The following MAPKAP1 variants were observed in gnomAD, a reference collection of about 807,000 sequenced individuals.
MAPKAP1 encodes the protein target of rapamycin complex 2 subunit MAPKAP1.
A neutral mutation model predicts 65.7 loss-of-function variants in MAPKAP1; 20 were observed. The ratio of observed to expected loss-of-function variants is 0.30; its 90% confidence interval spans 0.21 to 0.44. The LOEUF (loss-of-function observed/expected upper bound fraction) is 0.44, where lower values mean the gene tolerates loss of function less well. Among genes scored for constraint, MAPKAP1 ranks in the 20% least tolerant of loss-of-function variants. The pLI is 1.00. For synonymous variants in MAPKAP1, 222 were observed against 244.3 expected (o/e 0.91, Z 0.85); for missense variants, 423 against 648.0 (o/e 0.65, Z 3.77).
At chr9:125,623,871 C>T (rs1589355156) in intron 4 of MAPKAP1, among the ~76,000 whole-genome samples, 2 of 13,890 alleles carry the variant, frequency 1.4e-4, no homozygotes, top group Admixed American at 6.0e-4. Context: ...TCTGCCCGGC[C>T]GCCCCTACTG....
At chr9:125,568,739 A>G (rs1184044232) in intron 5 of MAPKAP1, 1 of 153,192 alleles carries the variant, frequency 6.5e-6, no homozygotes, top group Non-Finnish European at 1.5e-5. Context: ...ATGAAAAAAA[A>G]TAATTTTCCT....
At chr9:125,594,254 T>C (rs1469342004) in intron 4 of MAPKAP1, among the ~76,000 whole-genome samples, 2 of 152,252 alleles carry the variant, frequency 1.3e-5, no homozygotes, top group Non-Finnish European at 2.9e-5. Context: ...TCACAGACCA[T>C]GCCAGTCATG....
chr9:125,500,266 C>A (rs966048346), intron 8 of MAPKAP1, among the ~76,000 whole-genome samples: 2 of 151,946 alleles, frequency 1.3e-5, no homozygotes, highest in South Asian at 2.1e-4. Flanking sequence ...TGGCTCACTG[C>A]AAGCTCTGCC....
intron 8 of MAPKAP1, among the ~76,000 whole-genome samples, chr9:125,494,055 G>A (rs1158455957): frequency 1.3e-5 from 2 of 152,178 alleles, no homozygotes; most frequent in Non-Finnish European, 2.9e-5. Context: ...AAAGGAATCA[G>A]GGATAAAACC....
chr9:125,480,560 C>T (rs1338676479), intron 9 of MAPKAP1, among the ~76,000 whole-genome samples: 1 of 152,124 alleles, frequency 6.6e-6, no homozygotes, highest in Non-Finnish European at 1.5e-5. Context: ...GGAGAGCCAC[C>T]CCCTGATCTA....
chr9:125,609,220 T>C (rs1832527542), intron 4 of MAPKAP1, among the ~76,000 whole-genome samples: 1 of 152,208 alleles, frequency 6.6e-6, no homozygotes, highest in Non-Finnish European at 1.5e-5. Flanking sequence ...CTGATGGGAA[T>C]GAAAATTCCT....
At chr9:125,664,505 A>C (rs1283199932) in intron 3 of MAPKAP1, among the ~76,000 whole-genome samples, 1 of 151,564 alleles carries the variant, frequency 6.6e-6, no homozygotes, top group Non-Finnish European at 1.5e-5. Context: ...CGAGAAGATC[A>C]CTTGAGGTCA....
chr9:125,678,222 C>T (rs543351382), intron 1 of MAPKAP1, among the ~76,000 whole-genome samples: 1 of 152,002 alleles, frequency 6.6e-6, no homozygotes, highest in South Asian at 2.1e-4. Flanking sequence ...CAGGCCAACA[C>T]AGGCATTTTT....
At chr9:125,542,590 G>C (rs771532479) in intron 7 of MAPKAP1, among the ~76,000 whole-genome samples, 3 of 151,512 alleles carry the variant, frequency 2.0e-5, no homozygotes, top group Non-Finnish European at 2.9e-5. Flanking sequence ...CTTTTTATTC[G>C]TCTTTTTTTT....
At chr9:125,621,789 T>C (rs1832907670) in intron 4 of MAPKAP1, among the ~76,000 whole-genome samples, 1 of 152,254 alleles carries the variant, frequency 6.6e-6, no homozygotes, top group Admixed American at 6.5e-5. Flanking sequence ...TTAAGGCTAC[T>C]ATTTAATAAT....
Position 125,588,909 on chromosome 9 carries a change from G to A in MAPKAP1, c.499-3182C>T, listed in dbSNP as rs143219841. On this transcript the variant is annotated intron_variant, in intron 4 of 11. Transcript: ENST00000265960. The stretch of plus-strand genomic sequence containing the variant: ...CTGCTCATCAGACTTCGGCTATACC[G>A]GCCTTCTGGAAGTACCCTCAATATA... 3.1e-3 allele frequency among the ~76,000 whole-genome samples: 472 copies of A among 152,234 alleles called. 2 individuals are homozygous for A. Among genetic ancestry groups the A allele is most frequent in the African/African-American group, 4.5e-3 (187 of 41,520 alleles).
chr9:125,526,691 C>A (rs1179467973), intron 7 of MAPKAP1, among the ~76,000 whole-genome samples: 1 of 152,058 alleles, frequency 6.6e-6, no homozygotes. Context: ...TCCTTCTACA[C>A]TCCAGAAGTT....
intron 6 of MAPKAP1, among the ~76,000 whole-genome samples, chr9:125,550,439 A>G (rs914427723): frequency 6.6e-5 from 10 of 152,232 alleles, no homozygotes; most frequent in Non-Finnish European, 1.0e-4. Flanking sequence ...CATATTAACT[A>G]AAGCAACAAT....
At chr9:125,576,499 TCTCCC>T in intron 5 of MAPKAP1, among the ~76,000 whole-genome samples, 1 of 150,436 alleles carries the variant, frequency 6.6e-6, no homozygotes, top group Non-Finnish European at 1.5e-5. Context: ...TCCCTCTCCC[TCTCCC>T]CACGGTCTCC....
chr9:125,637,275 AT>A (rs374687211), intron 4 of MAPKAP1, among the ~76,000 whole-genome samples: 118 of 152,286 alleles, frequency 7.7e-4, no homozygotes, highest in African/African-American at 2.6e-3. Flanking sequence ...TCTCAAAAAA[AT>A]AAATGAATAA....
chr9:125,454,696 G>A (rs919262572), intron 10 of MAPKAP1, among the ~76,000 whole-genome samples: 1 of 152,000 alleles, frequency 6.6e-6, no homozygotes, highest in African/African-American at 2.4e-5. Flanking sequence ...TTTTATTTTT[G>A]GTCAACTCTT....
At chr9:125,479,599 CTGG>C (rs1236478806) in intron 9 of MAPKAP1, among the ~76,000 whole-genome samples, 1 of 150,878 alleles carries the variant, frequency 6.6e-6, no homozygotes, top group African/African-American at 2.4e-5. Flanking sequence ...AAAAAAAAGT[CTGG>C]TGGAAAATCG....
intron 1 of MAPKAP1, among the ~76,000 whole-genome samples, chr9:125,690,659 A>ATT (rs1835138427): frequency 6.6e-6 from 1 of 152,238 alleles, no homozygotes; most frequent in South Asian, 2.1e-4. Flanking sequence ...TATTGCTATT[A>ATT]TTCCCTGGTC....
intron 1 of MAPKAP1, among the ~76,000 whole-genome samples, chr9:125,698,291 ATATATATAT>A (rs1835466217): frequency 0.018 from 37 of 2,070 alleles, 1 homozygote; most frequent in African/African-American, 0.061. Context: ...ATATATAAAT[ATATATATAT>A]ATATATATAT....
Sources: gnomAD v4.1 joint callset for allele counts (sites outside exome capture counted in the v4.1 genomes callset) on GRCh38, gnomAD v4.1.1 for gene constraint, MANE v1.5 for transcripts, NCBI Gene and HGNC (gene_info 2026-07-23, HGNC 2026-07-21) for gene names.